ASIC2: variants seen among roughly 807,000 people sequenced by gnomAD.
ASIC2 encodes the protein acid sensing ion channel subunit 2.
ASIC2 carries 25 observed loss-of-function variants against 57.3 expected under a neutral mutation model. The ratio of observed to expected loss-of-function variants is 0.44; its 90% CI spans 0.32 to 0.61. ASIC2 has a LOEUF of 0.61. ASIC2 is among the 20% of genes least tolerant of loss of function. The pLI, the probability that ASIC2 is intolerant of heterozygous loss-of-function variation, is 0.06. For missense variants in ASIC2, 641 were observed against 738.1 expected (o/e 0.87, Z 1.52); for synonymous variants, 319 against 307.5 (o/e 1.04, Z -0.39).
Position 33,762,815 on chromosome 17 carries a change from A to C in ASIC2, c.555+393163T>G, listed in dbSNP as rs148001792. ...TGGTTGGGGATGAATATGTGAGGAG[A>C]GAAAAAGGTTGCAGATGGGCAGAGA... is the stretch of plus-strand genomic sequence containing the variant. On this transcript the variant is annotated intron_variant, in intron 1 of 9. Coordinates refer to the ASIC2 transcript ENST00000359872. Among the ~76,000 whole-genome samples, 445 of 152,272 alleles carry C rather than the reference A, an allele frequency of 2.9e-3. 1 individual carries two copies. The highest frequency in any genetic ancestry group is 0.01 in the African/African-American group (429 of 41,540).
chr17:33,905,417 A>G (rs749885540), intron 1 of ASIC2, among the ~76,000 whole-genome samples: 1 of 152,174 alleles, frequency 6.6e-6, no homozygotes, highest in Non-Finnish European at 1.5e-5. Context: ...ATTCTCATTC[A>G]TCAGAGGATA....
At chr17:33,574,274 T>C (rs923978097) in intron 1 of ASIC2, among the ~76,000 whole-genome samples, 1 of 152,232 alleles carries the variant, frequency 6.6e-6, no homozygotes, top group Non-Finnish European at 1.5e-5. Flanking sequence ...CTTGCTTTAA[T>C]TTGCATTCCC....
chr17:33,513,460 G>A (rs1347755653), intron 1 of ASIC2, among the ~76,000 whole-genome samples: 1 of 152,024 alleles, frequency 6.6e-6, no homozygotes, highest in Non-Finnish European at 1.5e-5. Flanking sequence ...TTTCTTCTTT[G>A]AGCCAAGAAT....
At chr17:33,276,606 C>T (rs923199244) in intron 1 of ASIC2, among the ~76,000 whole-genome samples, 3 of 152,240 alleles carry the variant, frequency 2.0e-5, no homozygotes, top group East Asian at 1.9e-4. Flanking sequence ...AGCTCATCCT[C>T]GCAGGAACTA....
intron 1 of ASIC2, chr17:34,069,322 CCTCTCTTT>C (rs1178380294): frequency 1.1e-5 from 1 of 91,906 alleles, no homozygotes; most frequent in African/African-American, 2.9e-5. Flanking sequence ...TTCTTCCTTT[CCTCTCTTT>C]CTTTTTCTTT....
chr17:33,654,238 A>G (rs1336709709), intron 1 of ASIC2, among the ~76,000 whole-genome samples: 1 of 152,250 alleles, frequency 6.6e-6, no homozygotes, highest in Non-Finnish European at 1.5e-5. Context: ...GAGCATATCA[A>G]AAGAGCTCAC....
At chr17:33,671,437 G>C (rs890674490) in intron 1 of ASIC2, among the ~76,000 whole-genome samples, 1 of 152,180 alleles carries the variant, frequency 6.6e-6, no homozygotes, top group Non-Finnish European at 1.5e-5. Context: ...CCATGATAGC[G>C]TTCCCACTGG....
chr17:33,774,723 C>T (rs1340760448), intron 1 of ASIC2, among the ~76,000 whole-genome samples: 1 of 152,186 alleles, frequency 6.6e-6, no homozygotes, highest in African/African-American at 2.4e-5. Context: ...TTCTGCCACT[C>T]AAAATGACTA....
chr17:33,685,801 T>C (rs1447225627), intron 1 of ASIC2, among the ~76,000 whole-genome samples: 1 of 152,304 alleles, frequency 6.6e-6, no homozygotes, highest in East Asian at 1.9e-4. Context: ...GACTAAGGCC[T>C]TCAGACAGCA....
At chr17:33,935,242 A>G (rs1457104607) in intron 1 of ASIC2, among the ~76,000 whole-genome samples, 2 of 152,062 alleles carry the variant, frequency 1.3e-5, no homozygotes, top group African/African-American at 2.4e-5. Flanking sequence ...ACCCACTCAA[A>G]TGTCACCTTT....
At position 33,149,134 on chromosome 17, in the gene ASIC2, A is replaced by C. The variant is rs541917561; in HGVS notation, c.709-37067T>G. On this transcript the variant is annotated intron_variant, in intron 1 of 9. Transcript: ENST00000225823. Reference sequence around the variant, plus strand: ...AAACAAAAACAAAAAAACAAAAAACAAACTTGACATATATCTTTTCTGACA... The same window carrying C: ...AAACAAAAACAAAAAAACAAAAAACCAACTTGACATATATCTTTTCTGACA... 2.0e-5 allele frequency among the ~76,000 whole-genome samples: 3 copies of C among 152,142 alleles called. No homozygotes were observed. In the South Asian group the frequency reaches 6.2e-4, roughly 32 times the overall value.
At chr17:33,163,238 A>G (rs544801778) in intron 1 of ASIC2, among the ~76,000 whole-genome samples, 22 of 152,306 alleles carry the variant, frequency 1.4e-4, no homozygotes, top group African/African-American at 4.6e-4. Flanking sequence ...TTTTCAAGGC[A>G]AAGAAACAGC....
intron 1 of ASIC2, among the ~76,000 whole-genome samples, chr17:33,149,782 A>G (rs1904713052): frequency 6.6e-6 from 1 of 152,154 alleles, no homozygotes; most frequent in African/African-American, 2.4e-5. Context: ...TGAGGTTGAA[A>G]GTTTATTCAT....
intron 1 of ASIC2, among the ~76,000 whole-genome samples, chr17:34,045,646 A>G (rs545890573): frequency 1.3e-5 from 2 of 152,330 alleles, no homozygotes; most frequent in East Asian, 3.9e-4. Flanking sequence ...AAGGGATTAA[A>G]GAGTTGTTTT....
chr17:34,020,800 C>T (rs745495305), intron 1 of ASIC2, among the ~76,000 whole-genome samples: 1 of 152,218 alleles, frequency 6.6e-6, no homozygotes, highest in Admixed American at 6.5e-5. Flanking sequence ...GTGATTTCAG[C>T]ATCCTGAAAC....
At chr17:33,289,358 T>C (rs1222887223) in intron 1 of ASIC2, among the ~76,000 whole-genome samples, 1 of 152,012 alleles carries the variant, frequency 6.6e-6, no homozygotes, top group African/African-American at 2.4e-5. Flanking sequence ...GCTGCAGAGG[T>C]TGAAGTCAGG....
intron 7 of ASIC2, 152 bp downstream of exon 7, chr17:33,021,067 G>A (rs2091833355): frequency 1.6e-6 from 1 of 607,868 alleles, no homozygotes; most frequent in Non-Finnish European, 2.9e-6. Flanking sequence ...GAGGAGCAGT[G>A]CAAGGAAACA....
At chr17:33,934,095 C>G (rs912795124) in intron 1 of ASIC2, among the ~76,000 whole-genome samples, 1 of 152,142 alleles carries the variant, frequency 6.6e-6, no homozygotes, top group East Asian at 1.9e-4. Flanking sequence ...AATTCCTGCT[C>G]CCTAGATCAG....
intron 1 of ASIC2, among the ~76,000 whole-genome samples, chr17:34,130,250 C>T (rs1047224624): frequency 2.0e-5 from 2 of 100,662 alleles, no homozygotes; most frequent in Non-Finnish European, 4.7e-5. Context: ...AGCAAAGCTC[C>T]TTAAACCCTT....
Sources: gnomAD v4.1 joint callset for allele counts (sites outside exome capture counted in the v4.1 genomes callset) on GRCh38, gnomAD v4.1.1 for gene constraint, MANE v1.5 for transcripts, NCBI Gene and HGNC (gene_info 2026-07-23, HGNC 2026-07-21) for gene names.